Variants in PLA2R1 observed in about 807,000 individuals in gnomAD.
PLA2R1 encodes phospholipase A2 receptor 1, also known as secretory phospholipase A2 receptor.
PLA2R1 carries 158 observed loss-of-function variants against 195.9 expected under a neutral mutation model. That is an observed-to-expected ratio of 0.81 (90% CI 0.71 to 0.92). The LOEUF (loss-of-function observed/expected upper bound fraction) is 0.92, where lower values mean the gene tolerates loss of function less well. Among genes scored for constraint, PLA2R1 ranks in the 40% least tolerant of loss-of-function variants. The pLI is 0.00. For missense variants in PLA2R1, 1,626 were observed against 1,764.6 expected (o/e 0.92, Z 1.41); for synonymous variants, 586 against 598.2 (o/e 0.98, Z 0.30).
chr2:160,020,304 T>C (rs1281874734), intron 7 of PLA2R1, 41 bp from the exon 8 acceptor site: 1 of 1,469,462 alleles, frequency 6.8e-7, no homozygotes, highest in Non-Finnish European at 9.4e-7. Flanking sequence ...GATCCTATTA[T>C]TTGCAAAGGA....
chr2:159,925,055 T>C, the PLA2R1 span, among the ~76,000 whole-genome samples: 1 of 152,192 alleles, frequency 6.6e-6, no homozygotes, highest in East Asian at 1.9e-4. Context: ...CAAACCAAAA[T>C]GATCCTTCTT....
At chr2:159,942,668 G>T (rs1006593882) in intron 28 of PLA2R1, among the ~76,000 whole-genome samples, 3 of 152,182 alleles carry the variant, frequency 2.0e-5, no homozygotes, top group Non-Finnish European at 4.4e-5. Context: ...GATCTCATGG[G>T]TCTTGGGGAA....
chr2:159,990,034 AT>A (rs1263023117), intron 11 of PLA2R1, among the ~76,000 whole-genome samples: 1 of 152,178 alleles, frequency 6.6e-6, no homozygotes, highest in African/African-American at 2.4e-5. Flanking sequence ...TTAATGGAAC[AT>A]TTGACCCAAA....
intron 11 of PLA2R1, among the ~76,000 whole-genome samples, chr2:160,000,042 C>A (rs1691487449): frequency 6.6e-6 from 1 of 152,170 alleles, no homozygotes. Context: ...GGTAGCCAAA[C>A]TACCTTCCTA....
chr2:159,980,890 A>C (rs16844608), intron 13 of PLA2R1, among the ~76,000 whole-genome samples: 2,763 of 152,310 alleles, frequency 0.018, 38 homozygotes, highest in Non-Finnish European at 0.026. Flanking sequence ...GGATGACACA[A>C]ATTAAATTCA....
At chr2:160,006,827 G>A (rs1457192153) in intron 10 of PLA2R1, among the ~76,000 whole-genome samples, 1 of 152,114 alleles carries the variant, frequency 6.6e-6, no homozygotes, top group Non-Finnish European at 1.5e-5. Context: ...GGCTTTTTTC[G>A]TTACTGTGCA....
chr2:159,924,675 A>G, the PLA2R1 span, among the ~76,000 whole-genome samples: 5 of 141,130 alleles, frequency 3.5e-5, no homozygotes, highest in African/African-American at 1.3e-4. Flanking sequence ...CCATGCAAGT[A>G]CTGCTAAGGA....
At chr2:160,057,337 TG>T (rs1174176143) in intron 1 of PLA2R1, among the ~76,000 whole-genome samples, 1 of 152,186 alleles carries the variant, frequency 6.6e-6, no homozygotes, top group Non-Finnish European at 1.5e-5. Context: ...GAACCTGTCC[TG>T]GGTCCCCCTT....
In PLA2R1 at chr2:160,020,247, T is replaced by C. The variant is rs144527667; in HGVS notation, c.1311A>G (p.Thr437=). The C allele has an allele frequency of 5.4e-5, 87 of 1,608,894 alleles. No homozygotes were observed. The highest frequency in any genetic ancestry group is 3.4e-4 in the Middle Eastern group (2 of 5,862). Reference sequence around the variant, plus strand: ...TTTTATTGCTGCTCAAACCAATCCATGTTTCTGATGCATTTTCTGTAAGAG... The same window carrying C: ...TTTTATTGCTGCTCAAACCAATCCACGTTTCTGATGCATTTTCTGTAAGAG... ...TLLGDENASE[T]WIGLSSNKIP... Residue 437 remains threonine (T), a synonymous_variant, in exon 8 of 30, where the codon ACA becomes ACG. Coordinates refer to ENST00000283243, the MANE Select transcript of PLA2R1 (RefSeq NM_007366.5).
chr2:159,961,794 G>A (rs1457981814), intron 20 of PLA2R1, among the ~76,000 whole-genome samples: 2 of 152,028 alleles, frequency 1.3e-5, no homozygotes, highest in African/African-American at 4.8e-5. Context: ...GAACTGTGTG[G>A]GTAAAAATCA....
At chr2:159,949,858 C>T in intron 24 of PLA2R1, 82 bp from the exon 25 acceptor site, 1 of 1,103,728 alleles carries the variant, frequency 9.1e-7, no homozygotes. Flanking sequence ...TGCTACAATT[C>T]CCACATCGAT....
chr2:159,956,566 T>C lies in PLA2R1; in HGVS notation c.2966A>G (p.His989Arg), dbSNP rs769678614. 2 of 1,613,804 alleles carry C rather than the reference T, an allele frequency of 1.2e-6. No individual in the cohort carries two copies. Among genetic ancestry groups the C allele is most frequent in the South Asian group, 1.1e-5 (1 of 91,066 alleles). Residue 989 changes from histidine to arginine, a missense_variant, in exon 21 of 30, where the codon CAT (histidine) becomes CGT (arginine). By Grantham distance (29) the His-to-Arg change is conservative (BLOSUM62 0). Coordinates refer to ENST00000283243, the MANE Select transcript of PLA2R1 (RefSeq NM_007366.5). ...SSWKNWTHAQ[H>R]FCAEEGGTLV... is the part of the protein sequence containing the mutation. ...GGTCCCCCCTTCTTCAGCACAGAAA[T>C]GTTGAGCATGCGTCCAGTTCTTCCA...
At chr2:159,952,814 A>C (rs1450502465) in intron 23 of PLA2R1, among the ~76,000 whole-genome samples, 1 of 152,184 alleles carries the variant, frequency 6.6e-6, no homozygotes, top group Non-Finnish European at 1.5e-5. Context: ...TACTCCCCCC[A>C]GTAAAAATGG....
At chr2:160,030,688 G>T (rs1210837141) in intron 4 of PLA2R1, among the ~76,000 whole-genome samples, 2 of 152,076 alleles carry the variant, frequency 1.3e-5, no homozygotes, top group Non-Finnish European at 2.9e-5. Flanking sequence ...ATATTTCTCG[G>T]CATTCATGAC....
rs572933451 is a variant in PLA2R1, at chr2:160,030,515, A to AT, written c.842-1553dup. Among the ~76,000 whole-genome samples, 303 of 152,338 alleles carry AT rather than the reference A, an allele frequency of 2.0e-3. 2 individuals are homozygous for AT. The highest frequency in any genetic ancestry group is 7.0e-3 in the African/African-American group (290 of 41,582). On this transcript the variant is annotated intron_variant, in intron 4 of 29. Coordinates refer to ENST00000283243, the MANE Select transcript of PLA2R1 (RefSeq NM_007366.5). ...AAACGTTAATTATTCTTATCTTAGA[A>AT]TTTTTTTGAATACCCATTGTGCAAT...
Position 160,044,856 on chromosome 2 carries a change from T to C in PLA2R1, c.411A>G (p.Thr137=). 6.2e-7 allele frequency: 1 copy of C among 1,613,950 alleles called. No individual in the cohort carries two copies. The highest frequency in any genetic ancestry group is 8.5e-7 in the Non-Finnish European group (1 of 1,179,820). The change falls in exon 2 of 30, where the codon ACA becomes ACG. Residue 137 remains threonine, a synonymous_variant. Transcript: ENST00000283243. The part of the protein sequence containing the change: ...QYSVQVAHDN[T]VVASRKYIHK... ...GAATATACTTCCGTGAGGCCACCACTGTGTTGTCATGCGCCACCTGGACAG... is the reference window on the plus strand; with the variant it reads ...GAATATACTTCCGTGAGGCCACCACCGTGTTGTCATGCGCCACCTGGACAG...
At chr2:160,046,038 C>A (rs1253659867) in intron 1 of PLA2R1, among the ~76,000 whole-genome samples, 1 of 152,254 alleles carries the variant, frequency 6.6e-6, no homozygotes, top group African/African-American at 2.4e-5. Context: ...TGCCAGCCTG[C>A]TACCTGACTT....
intron 6 of PLA2R1, among the ~76,000 whole-genome samples, chr2:160,025,303 A>G (rs1183071480): frequency 6.6e-6 from 1 of 152,092 alleles, no homozygotes; most frequent in African/African-American, 2.4e-5. Flanking sequence ...TCAAGCTATG[A>G]TCATGCCACC....
At position 159,987,336 on chromosome 2, in the gene PLA2R1, G is replaced by A. The variant is rs1473422459; in HGVS notation, c.1857C>T (p.Ala619=). The change falls in exon 12 of 30, where the codon GCC becomes GCT. Residue 619 remains alanine (A), a synonymous_variant. Transcript: ENST00000283243. ...GACCAAGTGGATGCCTTCCTCGCAT[G>A]GCAACACAGCCACCACTGTAGCCTA... is the stretch of plus-strand genomic sequence containing the variant. The part of the protein sequence containing the change: ...HQPRYSGGCV[A]MRGRHPLGRW... The A allele has an allele frequency of 6.2e-7, 1 of 1,611,336 alleles. No individual in the cohort carries two copies. Among genetic ancestry groups the A allele is most frequent in the Admixed American group, 1.7e-5 (1 of 59,928 alleles).
Sources: allele counts gnomAD v4.1 joint callset (sites outside exome capture counted in the v4.1 genomes callset), GRCh38; gene constraint gnomAD v4.1.1; transcripts MANE v1.5; gene names NCBI Gene and HGNC (gene_info 2026-07-23, HGNC 2026-07-21).